HS3ST5: variants seen among roughly 807,000 people sequenced by gnomAD.
The protein encoded by HS3ST5 is heparan sulfate glucosamine 3-O-sulfotransferase 5.
Under a neutral mutation model 25.4 loss-of-function variants are expected in HS3ST5, and 10 were observed. The observed-to-expected ratio is 0.39, with a 90% CI of 0.24 to 0.67. HS3ST5 has a LOEUF of 0.67. Among genes scored for constraint, HS3ST5 ranks in the 30% least tolerant of loss-of-function variants. The pLI is 0.44. For missense variants in HS3ST5, 324 were observed against 420.7 expected (o/e 0.77, Z 2.01); for synonymous variants, 170 against 162.4 (o/e 1.05, Z -0.36).
intron 2 of HS3ST5, among the ~76,000 whole-genome samples, chr6:114,218,020 CAG>C (rs1229193514): frequency 2.6e-5 from 4 of 151,994 alleles, no homozygotes; most frequent in Non-Finnish European, 5.9e-5. Flanking sequence ...TTTTTTGAGA[CAG>C]AGTGTCGCTC....
At chr6:114,148,823 A>T (rs1384940622) in intron 3 of HS3ST5, among the ~76,000 whole-genome samples, 2 of 152,170 alleles carry the variant, frequency 1.3e-5, no homozygotes, top group African/African-American at 4.8e-5. Flanking sequence ...AATGGGAGAA[A>T]ATTTTTGCAA....
intron 2 of HS3ST5, among the ~76,000 whole-genome samples, chr6:114,215,667 C>G (rs1781725081): frequency 6.6e-6 from 1 of 152,054 alleles, no homozygotes; most frequent in Admixed American, 6.6e-5. Flanking sequence ...CCCACAGGCC[C>G]CTGCTGCTAT....
At chr6:114,128,276 T>G (rs1297852847) in intron 3 of HS3ST5, among the ~76,000 whole-genome samples, 1 of 152,250 alleles carries the variant, frequency 6.6e-6, no homozygotes, top group East Asian at 1.9e-4. Context: ...TTGTTCCATG[T>G]TCTGATTATT....
At chr6:114,071,677 C>T (rs1227169695) in intron 3 of HS3ST5, among the ~76,000 whole-genome samples, 1 of 152,170 alleles carries the variant, frequency 6.6e-6, no homozygotes, top group Non-Finnish European at 1.5e-5. Context: ...GATACCACAT[C>T]TCTTTAGATG....
At chr6:114,231,778 A>T (rs1274846360) in intron 1 of HS3ST5, among the ~76,000 whole-genome samples, 1 of 144,134 alleles carries the variant, frequency 6.9e-6, no homozygotes, top group East Asian at 2.1e-4. Context: ...AAAAAAAAAA[A>T]GCTCTGTTTT....
chr6:114,245,691 T>C (rs192031567), intron 1 of HS3ST5, among the ~76,000 whole-genome samples: 45 of 152,238 alleles, frequency 3.0e-4, no homozygotes, highest in African/African-American at 7.5e-4. Flanking sequence ...CTCTGACACA[T>C]AGAAATCAGG....
At chr6:114,305,755 T>C (rs1775261622) in intron 1 of HS3ST5, among the ~76,000 whole-genome samples, 1 of 152,128 alleles carries the variant, frequency 6.6e-6, no homozygotes, top group Non-Finnish European at 1.5e-5. Flanking sequence ...CCACTTAGAT[T>C]TGATTCATGC....
At chr6:114,110,374 C>T (rs1035157212) in intron 3 of HS3ST5, among the ~76,000 whole-genome samples, 16 of 151,850 alleles carry the variant, frequency 1.1e-4, no homozygotes, top group African/African-American at 3.9e-4. Context: ...TGAGTTGAGA[C>T]ATGCATTAAT....
chr6:114,319,147 T>A (rs1435427188), intron 1 of HS3ST5, among the ~76,000 whole-genome samples: 1 of 152,200 alleles, frequency 6.6e-6, no homozygotes, highest in African/African-American at 2.4e-5. Flanking sequence ...TTTACTTACA[T>A]GTTTCTGATG....
chr6:114,095,124 T>A (rs1775352044), intron 3 of HS3ST5, among the ~76,000 whole-genome samples: 1 of 152,188 alleles, frequency 6.6e-6, no homozygotes, highest in Non-Finnish European at 1.5e-5. Flanking sequence ...AATAAATGCA[T>A]GTTGTTTTAA....
intron 2 of HS3ST5, among the ~76,000 whole-genome samples, chr6:114,191,386 A>G (rs1251385952): frequency 6.6e-6 from 1 of 152,212 alleles, no homozygotes; most frequent in Non-Finnish European, 1.5e-5. Context: ...AAGAAAAAAC[A>G]CATGAAAATA....
chr6:114,311,544 T>TG (rs1775534678), intron 1 of HS3ST5, among the ~76,000 whole-genome samples: 1 of 135,590 alleles, frequency 7.4e-6, no homozygotes, highest in African/African-American at 2.8e-5. Flanking sequence ...TCTCTCTTTT[T>TG]TTTTTTTTTT....
chr6:114,303,436 A>C (rs1775162356), intron 1 of HS3ST5, among the ~76,000 whole-genome samples: 1 of 147,996 alleles, frequency 6.8e-6, no homozygotes, highest in Admixed American at 6.8e-5. Flanking sequence ...AAAATTTGTA[A>C]GCAAAATATA....
At chr6:114,229,556 C>T (rs530632817) in intron 1 of HS3ST5, among the ~76,000 whole-genome samples, 11 of 152,162 alleles carry the variant, frequency 7.2e-5, no homozygotes, top group Non-Finnish European at 1.2e-4. Flanking sequence ...GCGCCCAGCT[C>T]TCTTCTTTCT....
intron 3 of HS3ST5, among the ~76,000 whole-genome samples, chr6:114,064,694 T>C (rs1278094706): frequency 1.3e-5 from 2 of 152,206 alleles, no homozygotes; most frequent in Admixed American, 1.3e-4. Flanking sequence ...CACAGTCTAG[T>C]GGAGAAGACA....
At chr6:114,248,081 G>A (rs1348789046) in intron 1 of HS3ST5, among the ~76,000 whole-genome samples, 1 of 151,120 alleles carries the variant, frequency 6.6e-6, no homozygotes, top group Non-Finnish European at 1.5e-5. Flanking sequence ...ATGCCTGTAA[G>A]TCCCTGCTAC....
At chr6:114,265,497 T>G (rs1163586716) in intron 1 of HS3ST5, among the ~76,000 whole-genome samples, 2 of 151,918 alleles carry the variant, frequency 1.3e-5, no homozygotes, top group Non-Finnish European at 2.9e-5. Context: ...AGAGCCTGGG[T>G]CAAGTTTGAA....
At chr6:114,208,001 A>C (rs545102787) in intron 2 of HS3ST5, among the ~76,000 whole-genome samples, 1 of 152,296 alleles carries the variant, frequency 6.6e-6, no homozygotes, top group African/African-American at 2.4e-5. Flanking sequence ...AGTTACTCTA[A>C]GTTAGGCCAA....
chr6:114,091,513 T>TA (rs11397130), intron 3 of HS3ST5, among the ~76,000 whole-genome samples: 38,751 of 146,086 alleles, frequency 0.27, 5,011 homozygotes, highest in Middle Eastern at 0.39. Flanking sequence ...CCATCTCTAC[T>TA]AAAAAAAAAA....
Sources: allele counts gnomAD v4.1 joint callset (sites outside exome capture counted in the v4.1 genomes callset), GRCh38; gene constraint gnomAD v4.1.1; transcripts MANE v1.5; gene names NCBI Gene and HGNC (gene_info 2026-07-23, HGNC 2026-07-21).